MYH9: variants seen among roughly 807,000 people sequenced by gnomAD.
MYH9 encodes myosin-9.
A neutral mutation model predicts 241.9 loss-of-function variants in MYH9; 29 were observed. The ratio of observed to expected loss-of-function variants is 0.12; its 90% CI spans 0.09 to 0.16. MYH9 has a LOEUF of 0.16. Among genes scored for constraint, MYH9 ranks in the 10% least tolerant of loss-of-function variants. MYH9 has a pLI of 1.00. For missense variants in MYH9, 1,803 were observed against 2,595.5 expected, an observed-to-expected ratio of 0.69 and a Z score of 6.63; for synonymous variants, 1,047 against 1,062.6, an observed-to-expected ratio of 0.99 and a Z score of 0.29.
At chr22:36,326,287 G>A (rs180911301) in intron 5 of MYH9, among the ~76,000 whole-genome samples, 3 of 152,306 alleles carry the variant, frequency 2.0e-5, no homozygotes, top group South Asian at 2.1e-4. Context: ...ACACAGCAAC[G>A]AGCTGCAAAA....
At position 36,322,662 on chromosome 22, in the gene MYH9, T is replaced by C. The variant is rs117877065; in HGVS notation, c.613-141A>G. On this transcript the variant is annotated intron_variant, in intron 5 of 40. Coordinates refer to ENST00000216181, the MANE Select transcript of MYH9 (RefSeq NM_002473.6). ...ACAGAGGTTTCCGGGTGGGCTCCAG[T>C]GTGCGACTCCAACCAAGGCCAGGCC... The C allele has an allele frequency of 7.2e-4, 572 of 790,024 alleles. 2 individuals carry two copies. The highest frequency in any genetic ancestry group is 6.2e-3 in the African/African-American group (367 of 58,770). The allele number at this position is 790,024 out of a possible 1,614,324, so 48.9% of individuals were successfully genotyped here.
rs377158030 is a variant in MYH9 at position 36,306,973 on chromosome 22, G to A, written c.1844-366C>T. ...TCTACTAGCCTGGCTCTAACGAGGGGTGTGAAAACCTGGCTTACGGAATCC... is the reference window on the plus strand; with the variant it reads ...TCTACTAGCCTGGCTCTAACGAGGGATGTGAAAACCTGGCTTACGGAATCC... On this transcript the variant is annotated intron_variant, in intron 15 of 40. Coordinates refer to ENST00000216181, the MANE Select transcript of MYH9 (RefSeq NM_002473.6). The surrounding 1 kb of genome is among the most constrained non-coding windows in gnomAD (Gnocchi z 4.1). Among the ~76,000 whole-genome samples the A allele has an allele frequency of 6.6e-6, 1 of 152,132 alleles. No homozygotes were observed. Among genetic ancestry groups the A allele is most frequent in the Non-Finnish European group, 1.5e-5 (1 of 68,028 alleles).
rs772017938 is a variant in MYH9 at position 36,286,701 on chromosome 22, A to G, written c.5061+17T>C. ...CCGCAGGGCAGCGGTGCCGCTCTCC[A>G]TTGCAGCCCCACCCACCTCCTGCAA... On this transcript the variant is annotated intron_variant, in intron 35 of 40. Coordinates refer to ENST00000216181, the MANE Select transcript of MYH9 (RefSeq NM_002473.6). 41 of 1,610,904 alleles carry G rather than the reference A, an allele frequency of 2.5e-5. No individual in the cohort carries two copies. Among genetic ancestry groups the G allele is most frequent in the African/African-American group, 4.0e-5 (3 of 74,934 alleles).
chr22:36,292,346 G>A, intron 30 of MYH9, 112 bp from the exon 31 acceptor site: 3 of 1,445,198 alleles, frequency 2.1e-6, no homozygotes, highest in African/African-American at 1.4e-5. Flanking sequence ...GGGGCACCAG[G>A]GATCTGCCCA....
chr22:36,312,330 T>C, intron 13 of MYH9, 108 bp from the exon 14 acceptor site: 1 of 1,139,042 alleles, frequency 8.8e-7, no homozygotes, highest in Non-Finnish European at 1.3e-6. Context: ...CCACAGACGG[T>C]GGGCGACACA....
intron 1 of MYH9, among the ~76,000 whole-genome samples, chr22:36,368,713 T>C (rs1321712687): frequency 6.6e-6 from 1 of 152,058 alleles, no homozygotes; most frequent in African/African-American, 2.4e-5. Flanking sequence ...CCCAGCTGTC[T>C]ATATCGCCCT....
chr22:36,378,469 G>C (rs1046159288), intron 1 of MYH9, among the ~76,000 whole-genome samples: 1 of 152,152 alleles, frequency 6.6e-6, no homozygotes, highest in Non-Finnish European at 1.5e-5. Flanking sequence ...CGTGCATTTT[G>C]TGTTGAAAAT....
chr22:36,302,987 G>GCTCA (rs1362142367), intron 19 of MYH9, among the ~76,000 whole-genome samples: 1 of 152,208 alleles, frequency 6.6e-6, no homozygotes, highest in Admixed American at 6.5e-5. Flanking sequence ...TGGGGACTGA[G>GCTCA]CGTGACCCTT....
intron 1 of MYH9, among the ~76,000 whole-genome samples, chr22:36,357,486 C>T (rs1209850243): frequency 1.3e-5 from 2 of 152,176 alleles, no homozygotes; most frequent in Non-Finnish European, 2.9e-5. Context: ...CTGGCCTCTA[C>T]CCACTAGATG....
intron 3 of MYH9, among the ~76,000 whole-genome samples, chr22:36,332,586 C>G (rs2017439213): frequency 6.9e-6 from 1 of 145,496 alleles, no homozygotes; most frequent in African/African-American, 2.6e-5. Flanking sequence ...CTGGTTTGAA[C>G]CTGCTGAGAC....
At chr22:36,351,680 G>C (rs1013024954) in intron 1 of MYH9, among the ~76,000 whole-genome samples, 3 of 152,000 alleles carry the variant, frequency 2.0e-5, no homozygotes, top group Admixed American at 1.3e-4. Context: ...CCCCTGCCCT[G>C]CTCAAGACCT....
intron 2 of MYH9, among the ~76,000 whole-genome samples, chr22:36,347,739 G>A (rs1405077317): frequency 6.7e-6 from 1 of 150,000 alleles, no homozygotes; most frequent in Non-Finnish European, 1.5e-5. Flanking sequence ...GGAGGCTGAG[G>A]TGGGTGGATC....
intron 21 of MYH9, 63 bp downstream of exon 21, chr22:36,301,470 TG>T (rs2016876071): frequency 6.2e-7 from 1 of 1,605,412 alleles, no homozygotes; most frequent in Non-Finnish European, 8.5e-7. Context: ...TGCCTACCGA[TG>T]GCCAGCAGGT....
At chr22:36,326,998 G>A (rs1204597067) in intron 4 of MYH9, among the ~76,000 whole-genome samples, 2 of 152,176 alleles carry the variant, frequency 1.3e-5, no homozygotes, top group Non-Finnish European at 2.9e-5. Flanking sequence ...CCTTTGAAAC[G>A]TCACTTAAAG....
At position 36,306,677 on chromosome 22, in the gene MYH9, G is replaced by A. The variant is rs1317608533; in HGVS notation, c.1844-70C>T. 4 of 1,441,048 alleles carry A rather than the reference G, an allele frequency of 2.8e-6. No individual in the cohort carries two copies. The highest frequency in any genetic ancestry group is 3.8e-6 in the Non-Finnish European group (4 of 1,046,342). The allele number at this position is 1,441,048 out of a possible 1,614,324, so 89.3% of individuals were successfully genotyped here. On this transcript the variant is annotated intron_variant, in intron 15 of 40. Coordinates refer to ENST00000216181, the MANE Select transcript of MYH9 (RefSeq NM_002473.6). This position sits in a 1 kb window ranked among gnomAD's most constrained non-coding sequence, Gnocchi z 4.1. ...CTGGGTGGTGGGGGAGCACGTAGGAGAGAGAGACAGGCACACGTCGGACAG... is the reference window on the plus strand; with the variant it reads ...CTGGGTGGTGGGGGAGCACGTAGGAAAGAGAGACAGGCACACGTCGGACAG...
chr22:36,350,859 A>G (rs1332463172), intron 1 of MYH9, among the ~76,000 whole-genome samples: 2 of 152,198 alleles, frequency 1.3e-5, no homozygotes, highest in African/African-American at 4.8e-5. Flanking sequence ...CAGAGGAGGC[A>G]GCCCAGAAGC....
intron 5 of MYH9, among the ~76,000 whole-genome samples, chr22:36,323,215 C>T (rs904526394): frequency 6.6e-6 from 1 of 152,208 alleles, no homozygotes; most frequent in South Asian, 2.1e-4. Flanking sequence ...ACCATACTCA[C>T]GGGGCAGGAC....
intron 3 of MYH9, among the ~76,000 whole-genome samples, chr22:36,335,096 C>T (rs1394760564): frequency 6.6e-6 from 1 of 152,178 alleles, no homozygotes; most frequent in Non-Finnish European, 1.5e-5. Context: ...CAGAAGCTCT[C>T]GAGGCTCGGT....
Position 36,306,732 on chromosome 22 carries a change from A to C in MYH9, c.1844-125T>G. On this transcript the variant is annotated intron_variant, in intron 15 of 40. Coordinates refer to ENST00000216181, the MANE Select transcript of MYH9 (RefSeq NM_002473.6). The surrounding 1 kb of genome is among the most constrained non-coding windows in gnomAD (Gnocchi z 4.1). ...AGAGGAGACAGAATGAAACAACAGG[A>C]CCCTTTCCAATTGGAGCCTACACTG... is the stretch of plus-strand genomic sequence containing the variant. 1 of 1,004,074 alleles carries C rather than the reference A, an allele frequency of 1.0e-6. No homozygotes were observed. The highest frequency in any genetic ancestry group is 1.5e-6 in the Non-Finnish European group (1 of 663,622). The allele number at this position is 1,004,074 out of a possible 1,614,324, so 62.2% of individuals were successfully genotyped here.
Sources: gnomAD v4.1 joint callset for allele counts (sites outside exome capture counted in the v4.1 genomes callset) on GRCh38, gnomAD v4.1.1 for gene constraint, Gnocchi (gnomAD v3.1) non-coding constraint, MANE v1.5 for transcripts, NCBI Gene and HGNC (gene_info 2026-07-23, HGNC 2026-07-21) for gene names.